The following CAMTA1 variants were observed in gnomAD, a reference collection of about 807,000 sequenced individuals.
The protein encoded by CAMTA1 is calmodulin-binding transcription activator 1.
CAMTA1 carries 27 observed loss-of-function variants against 170.9 expected under a neutral mutation model. That is an observed-to-expected ratio of 0.16 (90% CI 0.12 to 0.22). The LOEUF (loss-of-function observed/expected upper bound fraction) is 0.22. Among genes scored for constraint, CAMTA1 ranks in the 10% least tolerant of loss-of-function variants. The probability of loss-of-function intolerance (pLI) is 1.00; values close to 1 mark genes in which losing one functional copy is unlikely to be tolerated. For synonymous variants in CAMTA1, 833 were observed against 891.5 expected (o/e 0.93, Z 1.17); for missense variants, 1,619 against 2,217.2 (o/e 0.73, Z 5.42).
intron 12 of CAMTA1, among the ~76,000 whole-genome samples, chr1:7,734,785 G>A (rs2096758914): frequency 6.6e-6 from 1 of 152,104 alleles, no homozygotes; most frequent in Non-Finnish European, 1.5e-5. Flanking sequence ...ATAAAAATCA[G>A]CGAGGAGCCA....
intron 11 of CAMTA1, among the ~76,000 whole-genome samples, chr1:7,721,721 C>T (rs1577183756): frequency 6.6e-6 from 1 of 151,896 alleles, no homozygotes; most frequent in East Asian, 1.9e-4. Context: ...TTTATTTTAC[C>T]TTATTTTTAT....
intron 6 of CAMTA1, among the ~76,000 whole-genome samples, chr1:7,510,284 G>A (rs12731932): frequency 0.059 from 8,556 of 144,494 alleles, 1,405 homozygotes; most frequent in South Asian, 0.13. Flanking sequence ...CCCCACCCCC[G>A]GGAATTCTGG....
chr1:6,800,601 T>C (rs1261049365), intron 1 of CAMTA1, among the ~76,000 whole-genome samples: 2 of 152,204 alleles, frequency 1.3e-5, no homozygotes, highest in East Asian at 3.8e-4. Context: ...TTTTTATGTT[T>C]AAGGTAGTAT....
Position 7,081,449 on chromosome 1 carries a change from A to G in CAMTA1, c.235-9855A>G, listed in dbSNP as rs190086361. On this transcript the variant is annotated intron_variant, in intron 3 of 22. Transcript: ENST00000303635. Reference sequence around the variant, plus strand: ...CTGACGACTGGAACAATATCAAAATAGAAGTTGGGGCAGTCTTGGATCTGG... The same window carrying G: ...CTGACGACTGGAACAATATCAAAATGGAAGTTGGGGCAGTCTTGGATCTGG... 8.9e-4 allele frequency among the ~76,000 whole-genome samples: 136 copies of G among 152,386 alleles called. 1 individual carries two copies. The highest frequency in any genetic ancestry group is 3.1e-3 in the African/African-American group (129 of 41,596).
chr1:6,795,383 G>T (rs1193143526), intron 1 of CAMTA1, among the ~76,000 whole-genome samples: 6 of 151,690 alleles, frequency 4.0e-5, no homozygotes, highest in African/African-American at 1.5e-4. Flanking sequence ...TCGTAGAGGT[G>T]GGGTCTTGCT....
intron 3 of CAMTA1, among the ~76,000 whole-genome samples, chr1:7,070,684 G>T (rs1638524096): frequency 6.6e-6 from 1 of 152,194 alleles, no homozygotes; most frequent in Admixed American, 6.5e-5. Context: ...CTGGTTCCGA[G>T]GCATCTCTGG....
intron 5 of CAMTA1, among the ~76,000 whole-genome samples, chr1:7,430,440 G>C (rs1225362161): frequency 6.6e-6 from 1 of 151,880 alleles, no homozygotes; most frequent in Non-Finnish European, 1.5e-5. Flanking sequence ...GGAGGTGACA[G>C]TGATAATAAC....
At chr1:7,485,542 G>A (rs1038675193) in intron 6 of CAMTA1, among the ~76,000 whole-genome samples, 6 of 152,204 alleles carry the variant, frequency 3.9e-5, no homozygotes, top group African/African-American at 1.4e-4. Flanking sequence ...CAGCATGCTT[G>A]GGGTTTGGGG....
intron 3 of CAMTA1, among the ~76,000 whole-genome samples, chr1:7,009,423 G>A (rs979068654): frequency 2.6e-5 from 4 of 152,304 alleles, no homozygotes; most frequent in Admixed American, 6.5e-5. Flanking sequence ...CAGTGGCCAA[G>A]GAAAGCCCTT....
chr1:7,416,108 A>G (rs1296648798), intron 5 of CAMTA1, among the ~76,000 whole-genome samples: 1 of 152,156 alleles, frequency 6.6e-6, no homozygotes, highest in African/African-American at 2.4e-5. Context: ...TCTGGCTTGT[A>G]GAGTTTCTGC....
chr1:7,159,208 GA>G (rs1420799031), intron 4 of CAMTA1, among the ~76,000 whole-genome samples: 32 of 152,028 alleles, frequency 2.1e-4, no homozygotes, highest in Non-Finnish European at 8.8e-5. Context: ...GGGTGAGCTA[GA>G]GTTCAGGAGA....
chr1:7,111,864 G>A (rs560892332), intron 4 of CAMTA1, among the ~76,000 whole-genome samples: 15 of 138,396 alleles, frequency 1.1e-4, no homozygotes, highest in East Asian at 2.2e-4. Flanking sequence ...CAGCCTGGGC[G>A]ACCGGGCAAG....
intron 5 of CAMTA1, among the ~76,000 whole-genome samples, chr1:7,405,212 C>T (rs1412878569): frequency 1.3e-5 from 2 of 151,998 alleles, no homozygotes; most frequent in Non-Finnish European, 2.9e-5. Flanking sequence ...TCAGATATCC[C>T]GGTAGAGGAC....
intron 3 of CAMTA1, among the ~76,000 whole-genome samples, chr1:6,869,833 C>CGT (rs147478185): frequency 0.012 from 1,893 of 152,232 alleles, 34 homozygotes; most frequent in African/African-American, 0.043. Flanking sequence ...CCTGCCTGGA[C>CGT]GTCACGTTCA....
chr1:6,958,984 A>G (rs537686513), intron 3 of CAMTA1, among the ~76,000 whole-genome samples: 1 of 152,356 alleles, frequency 6.6e-6, no homozygotes, highest in Middle Eastern at 3.4e-3. Flanking sequence ...TTGAGATGCA[A>G]AAAAGCTCAT....
chr1:7,284,585 C>G (rs1256238066), intron 5 of CAMTA1, among the ~76,000 whole-genome samples: 1 of 152,200 alleles, frequency 6.6e-6, no homozygotes, highest in Non-Finnish European at 1.5e-5. Flanking sequence ...AGAATGCTCA[C>G]AAGTGTGCTA....
At chr1:7,531,092 C>T (rs758397266) in intron 6 of CAMTA1, among the ~76,000 whole-genome samples, 3 of 150,858 alleles carry the variant, frequency 2.0e-5, no homozygotes, top group Non-Finnish European at 2.9e-5. Context: ...GCTGAGATTA[C>T]AGGCATGAGC....
intron 3 of CAMTA1, among the ~76,000 whole-genome samples, chr1:6,943,665 G>T (rs910648580): frequency 6.6e-6 from 1 of 151,876 alleles, no homozygotes; most frequent in African/African-American, 2.4e-5. Context: ...GACCAACATG[G>T]TGAAACCCCC....
At position 6,965,872 on chromosome 1, in the gene CAMTA1, C is replaced by T. The variant is rs768491339; in HGVS notation, c.235-125432C>T. 6.6e-6 allele frequency among the ~76,000 whole-genome samples: 1 copy of T among 152,142 alleles called. No individual in the cohort carries two copies. Among genetic ancestry groups the T allele is most frequent in the African/African-American group, 2.4e-5 (1 of 41,416 alleles). ...AACAGGATGACATTTATTGCAAGCT[C>T]GATGCCGCACGTCTGGCATTAGTTA... On this transcript the variant is annotated intron_variant, in intron 3 of 22. Coordinates refer to ENST00000303635, the MANE Select transcript of CAMTA1 (RefSeq NM_015215.4). The surrounding 1 kb of genome is among the most constrained non-coding windows in gnomAD (Gnocchi z 4.1).
Sources: allele counts gnomAD v4.1 joint callset (sites outside exome capture counted in the v4.1 genomes callset), GRCh38; gene constraint gnomAD v4.1.1; non-coding constraint Gnocchi (gnomAD v3.1); transcripts MANE v1.5; gene names NCBI Gene and HGNC (gene_info 2026-07-23, HGNC 2026-07-21).